Variants in NPHP1 observed in about 807,000 individuals in gnomAD.
The protein encoded by NPHP1 is nephrocystin-1.
A neutral mutation model predicts 90.4 loss-of-function variants in NPHP1; 70 were observed. The ratio of observed to expected loss-of-function variants is 0.77; its 90% CI spans 0.64 to 0.95. The LOEUF (loss-of-function observed/expected upper bound fraction) is 0.95. Ranked by LOEUF, NPHP1 falls within the 40% of genes least tolerant of loss-of-function variation. The probability of loss-of-function intolerance (pLI) is 0.00; values close to 1 mark genes in which losing one functional copy is unlikely to be tolerated. For synonymous variants in NPHP1, 256 were observed against 271.7 expected (o/e 0.94, Z 0.57); for missense variants, 764 against 795.9 (o/e 0.96, Z 0.48).
intron 2 of NPHP1, among the ~76,000 whole-genome samples, chr2:110,195,898 T>G (rs928456645): frequency 1.3e-5 from 2 of 152,132 alleles, no homozygotes; most frequent in Non-Finnish European, 2.9e-5. Flanking sequence ...AAACAAGAAA[T>G]GGGGAAATGA....
At chr2:110,155,025 GA>G (rs1248571883) in intron 11 of NPHP1, among the ~76,000 whole-genome samples, 2 of 152,006 alleles carry the variant, frequency 1.3e-5, no homozygotes, top group East Asian at 3.9e-4. Context: ...GGCCTAGGAG[GA>G]AAAAATGGTT....
At chr2:110,188,354 A>C (rs1354382688) in intron 2 of NPHP1, among the ~76,000 whole-genome samples, 2 of 152,180 alleles carry the variant, frequency 1.3e-5, no homozygotes, top group African/African-American at 4.8e-5. Flanking sequence ...AATTGCTAGC[A>C]TTCCTATATA....
At chr2:110,143,165 C>T (rs1270257041) in intron 16 of NPHP1, among the ~76,000 whole-genome samples, 1 of 152,104 alleles carries the variant, frequency 6.6e-6, no homozygotes, top group Non-Finnish European at 1.5e-5. Context: ...TGACAGTATA[C>T]ATTTGTCAAA....
chr2:110,162,506 A>AGTGT (rs1682418232), intron 9 of NPHP1, among the ~76,000 whole-genome samples: 1 of 152,062 alleles, frequency 6.6e-6, no homozygotes, highest in Non-Finnish European at 1.5e-5. Flanking sequence ...TATACAGGAC[A>AGTGT]CCCCTTGTCC....
At chr2:110,125,758 A>C in intron 18 of NPHP1, 77 bp from the exon 19 acceptor site, 1 of 1,178,264 alleles carries the variant, frequency 8.5e-7, no homozygotes, top group Non-Finnish European at 1.3e-6. Context: ...TTTACTCTGT[A>C]AATAAACTTA....
intron 2 of NPHP1, among the ~76,000 whole-genome samples, chr2:110,189,402 C>A (rs1684527338): frequency 1.3e-5 from 2 of 152,096 alleles, no homozygotes. Context: ...GTGAGTGTTA[C>A]AGCTCTTAAG....
chr2:110,161,616 G>T lies in NPHP1; in HGVS notation c.941C>A (p.Ala314Asp). 1.2e-6 allele frequency: 2 copies of T among 1,607,238 alleles called. No homozygotes were observed. Among genetic ancestry groups the T allele is most frequent in the Non-Finnish European group, 1.7e-6 (2 of 1,174,102 alleles). Reference protein sequence around the residue: ...QLAFRDLMWDATEGTIRSRPS... With the variant: ...QLAFRDLMWDDTEGTIRSRPS... ...AACTATACTTACAGTGCCTTCTGTAGCATCCCACATCAGATCTCTGAAGGC... is the reference window on the plus strand; with the variant it reads ...AACTATACTTACAGTGCCTTCTGTATCATCCCACATCAGATCTCTGAAGGC... Residue 314 changes from alanine to aspartate, a missense_variant, in exon 10 of 20, where the codon GCT becomes GAT. Physicochemically the swap from Ala to Asp is moderately radical, Grantham distance 126. Coordinates refer to ENST00000445609, the MANE Select transcript of NPHP1 (RefSeq NM_001128178.3).
chr2:110,173,812 G>A (rs1683330003), intron 4 of NPHP1, among the ~76,000 whole-genome samples: 1 of 152,082 alleles, frequency 6.6e-6, no homozygotes, highest in Non-Finnish European at 1.5e-5. Context: ...GACTATACAT[G>A]TAATTAGATC....
chr2:110,129,151 G>A, intron 18 of NPHP1, 35 bp downstream of exon 18: 1 of 1,533,512 alleles, frequency 6.5e-7, no homozygotes, highest in Non-Finnish European at 9.0e-7. Context: ...GCTTCCATAA[G>A]CCAGCAGGTT....
chr2:110,181,162 G>C (rs1683880042), intron 2 of NPHP1, among the ~76,000 whole-genome samples: 1 of 152,196 alleles, frequency 6.6e-6, no homozygotes, highest in South Asian at 2.1e-4. Context: ...TACCGGGGCA[G>C]GGGTGGCTGC....
chr2:110,170,195 T>C (rs1345110398), intron 4 of NPHP1, among the ~76,000 whole-genome samples, 197 bp from the exon 5 acceptor site: 1 of 152,142 alleles, frequency 6.6e-6, no homozygotes, highest in Admixed American at 6.5e-5. Flanking sequence ...GAGAGGGAGC[T>C]GAGTCATGTA....
intron 2 of NPHP1, among the ~76,000 whole-genome samples, chr2:110,197,166 T>C (rs940960675): frequency 2.0e-5 from 3 of 152,148 alleles, no homozygotes; most frequent in Middle Eastern, 6.8e-3. Flanking sequence ...TCAGGAAGAA[T>C]AATTAATGGA....
At chr2:110,194,177 T>C (rs1459196211) in intron 2 of NPHP1, among the ~76,000 whole-genome samples, 1 of 151,440 alleles carries the variant, frequency 6.6e-6, no homozygotes, top group African/African-American at 2.4e-5. Flanking sequence ...CTGAAGGAGA[T>C]AGAGACAAAA....
chr2:110,155,583 T>C (rs762418657), intron 11 of NPHP1, among the ~76,000 whole-genome samples: 59 of 152,182 alleles, frequency 3.9e-4, no homozygotes, highest in Non-Finnish European at 6.6e-4. Flanking sequence ...TGAACCCACC[T>C]CTTACATCAG....
chr2:110,126,130 A>T (rs10177822), intron 18 of NPHP1: 11,627 of 201,636 alleles, frequency 0.058, 461 homozygotes, highest in African/African-American at 0.12. Flanking sequence ...TTTTGTGAGT[A>T]AATATTTCTA....
intron 16 of NPHP1, 93 bp downstream of exon 16, chr2:110,143,449 G>A: frequency 1.2e-6 from 1 of 866,304 alleles, no homozygotes; most frequent in South Asian, 1.4e-5. Context: ...TATAACAAAA[G>A]ATGACTAAAT....
At chr2:110,174,341 T>C (rs577085588) in intron 4 of NPHP1, among the ~76,000 whole-genome samples, 5 of 152,332 alleles carry the variant, frequency 3.3e-5, no homozygotes, top group African/African-American at 1.2e-4. Context: ...CGTTTAGTAT[T>C]CCATTTTATT....
At chr2:110,145,253 G>A (rs999861715) in intron 14 of NPHP1, among the ~76,000 whole-genome samples, 1 of 152,138 alleles carries the variant, frequency 6.6e-6, no homozygotes, top group African/African-American at 2.4e-5. Flanking sequence ...CCTCAATTCT[G>A]CTCCTCAGAG....
intron 4 of NPHP1, among the ~76,000 whole-genome samples, chr2:110,171,529 G>A (rs911740340): frequency 1.3e-5 from 2 of 152,040 alleles, no homozygotes; most frequent in Non-Finnish European, 2.9e-5. Flanking sequence ...CATAAACAGG[G>A]ATGTAACAAC....
Sources: gnomAD v4.1 joint callset for allele counts (sites outside exome capture counted in the v4.1 genomes callset) on GRCh38, gnomAD v4.1.1 for gene constraint, MANE v1.5 for transcripts, NCBI Gene and HGNC (gene_info 2026-07-23, HGNC 2026-07-21) for gene names.